Variants in PLCD3 observed in about 807,000 individuals in gnomAD.
PLCD3 encodes the protein phospholipase C delta 3, also known as 1-phosphatidylinositol 4,5-bisphosphate phosphodiesterase delta-3.
In PLCD3, 62 loss-of-function variants were observed where a neutral mutation model predicts 82.8. The observed-to-expected ratio is 0.75, with a 90% CI of 0.61 to 0.93. The LOEUF (loss-of-function observed/expected upper bound fraction) is 0.93. Ranked by LOEUF, PLCD3 falls within the 40% of genes least tolerant of loss-of-function variation. PLCD3 has a pLI of 0.00. For synonymous variants in PLCD3, 478 were observed against 471.8 expected (o/e 1.01, Z -0.17); for missense variants, 1,023 against 1,103.4 (o/e 0.93, Z 1.03).
intron 1 of PLCD3, among the ~76,000 whole-genome samples, chr17:45,129,477 TAAC>T (rs1374943146): frequency 7.9e-5 from 12 of 152,158 alleles, no homozygotes; most frequent in African/African-American, 2.2e-4. Flanking sequence ...CATAAACAAC[TAAC>T]AACAACAGCA....
At chr17:45,117,396 C>T (rs1275402972) in intron 7 of PLCD3, among the ~76,000 whole-genome samples, 1 of 152,106 alleles carries the variant, frequency 6.6e-6, no homozygotes, top group Non-Finnish European at 1.5e-5. Context: ...CAGGCACATG[C>T]CCCCACACTC....
chr17:45,117,852 C>A, intron 7 of PLCD3, 142 bp downstream of exon 7: 3 of 1,169,786 alleles, frequency 2.6e-6, no homozygotes, highest in Non-Finnish European at 3.6e-6. Context: ...CCATTGGCCA[C>A]TTATCCCAGC....
chr17:45,114,462 C>A lies in PLCD3; in HGVS notation c.1712-96G>T, dbSNP rs539706059. ...TCCAGGGAACAGAGCCCAAGCCCGT[C>A]CCCAGGTCACCCTGCCCCCGCTCCT... On this transcript the variant is annotated intron_variant, in intron 10 of 14. Transcript: ENST00000619929. The A allele has an allele frequency of 1.3e-4, 112 of 882,352 alleles. No homozygotes were observed. In the Admixed American group the frequency reaches 1.8e-3, roughly 14 times the overall value. The allele number at this position is 882,352 out of a possible 1,614,324, so 54.7% of individuals were successfully genotyped here.
rs560479189 is a variant in PLCD3, at chr17:45,110,091, A to G, written c.*2525T>C. On this transcript the variant is annotated 3_prime_UTR_variant, in exon 15 of 15. Coordinates refer to ENST00000619929, the MANE Select transcript of PLCD3 (RefSeq NM_133373.5). Reference sequence around the variant, plus strand: ...AGACTCCATCTCAAAAAAACAAACAAAAAAAAAACCCTGTGATTTCTCCCT... The same window carrying G: ...AGACTCCATCTCAAAAAAACAAACAGAAAAAAAACCCTGTGATTTCTCCCT... The G allele has an allele frequency of 6.6e-6, 1 of 150,720 alleles. No homozygotes were observed. The highest frequency in any genetic ancestry group is 2.1e-4 in the South Asian group (1 of 4,748). The allele number at this position is 150,720 out of a possible 1,614,324, so 9.3% of individuals were successfully genotyped here.
chr17:45,129,026 C>T (rs2054401487), intron 1 of PLCD3, among the ~76,000 whole-genome samples: 1 of 152,238 alleles, frequency 6.6e-6, no homozygotes, highest in South Asian at 2.1e-4. Flanking sequence ...AGGCAAGTTA[C>T]CAAATCTCTC....
Position 45,121,140 on chromosome 17 carries a change from G to C in PLCD3, c.326-10C>G, listed in dbSNP as rs764104052. 6.6e-7 allele frequency: 1 copy of C among 1,520,146 alleles called. No individual in the cohort carries two copies. Among genetic ancestry groups the C allele is most frequent in the Non-Finnish European group, 8.8e-7 (1 of 1,140,188 alleles). The allele number at this position is 1,520,146 out of a possible 1,614,324, so 94.2% of individuals were successfully genotyped here. A position where few individuals can be genotyped will look rare whatever the true frequency, so the allele number is the denominator to read the frequency against. ...ATGTGCTGCACGAAGACTGAGAGGA[G>C]GGCCGGGTCAGGGCGGAGGACCGGG... On this transcript the variant is annotated splice_polypyrimidine_tract_variant and intron_variant, in intron 2 of 14. Coordinates refer to ENST00000619929, the MANE Select transcript of PLCD3 (RefSeq NM_133373.5).
chr17:45,118,716 C>T lies in PLCD3; in HGVS notation c.913+99G>A, dbSNP rs2054311929. 8 of 1,300,242 alleles carry T rather than the reference C, an allele frequency of 6.2e-6. No individual in the cohort carries two copies. The highest frequency in any genetic ancestry group is 7.3e-6 in the Non-Finnish European group (7 of 957,534). 80.5% of individuals were successfully genotyped at this position (1,300,242 alleles called of 1,614,324 possible). A position where few individuals can be genotyped will look rare whatever the true frequency, so the allele number is the denominator to read the frequency against. On this transcript the variant is annotated intron_variant, in intron 5 of 14. Transcript: ENST00000619929. This position sits in a 1 kb window ranked among gnomAD's most constrained non-coding sequence, Gnocchi z 4.1. The stretch of plus-strand genomic sequence containing the variant: ...CTGAGTCTGGAGGAGGTGAGGTAAC[C>T]TGCCCGAGATGATGCCCGCGCCAGC...
intron 7 of PLCD3, among the ~76,000 whole-genome samples, 184 bp from the exon 8 acceptor site, chr17:45,116,968 G>C (rs891325069): frequency 3.9e-5 from 6 of 152,052 alleles, no homozygotes; most frequent in African/African-American, 1.4e-4. Context: ...TCTTTGAGAT[G>C]GAGTGTTGCT....
chr17:45,113,057 C>T (rs761027931), intron 13 of PLCD3, 45 bp from the exon 14 acceptor site: 19 of 1,604,392 alleles, frequency 1.2e-5, no homozygotes, highest in South Asian at 1.1e-4. Context: ...CCCCAGGACC[C>T]ACCCTGCACC....
rs866076678 is a variant in PLCD3 at position 45,113,477 on chromosome 17, C to T, written c.1957G>A (p.Glu653Lys). Residue 653 changes from glutamate to lysine, a missense_variant, in exon 12 of 15, where the codon GAG (glutamate) becomes AAG (lysine). Transcript: ENST00000619929. ...GTGGTTCTGGGAGGTCCTGGGTACT[C>T]GGGGTCAAAGGTCGAGTCAGGTTGC... ...LRQPDSTFDP[E>K]YPGPPRTTLS... 3.8e-6 allele frequency: 6 copies of T among 1,595,254 alleles called. No homozygotes were observed. Among genetic ancestry groups the T allele is most frequent in the South Asian group, 3.4e-5 (3 of 87,452 alleles).
At chr17:45,116,425 G>T (rs80133445) in intron 8 of PLCD3, among the ~76,000 whole-genome samples, 1 of 149,310 alleles carries the variant, frequency 6.7e-6, no homozygotes, top group Non-Finnish European at 1.5e-5. Flanking sequence ...GTGTGTGTGT[G>T]GGGGGGTCTA....
At chr17:45,115,643 A>T in intron 8 of PLCD3, 153 bp from the exon 9 acceptor site, 1 of 685,586 alleles carries the variant, frequency 1.5e-6, no homozygotes, top group East Asian at 2.7e-5. Context: ...CTAATAGGAA[A>T]GAGTGGAGAA....
chr17:45,118,805 C>T lies in PLCD3; in HGVS notation c.913+10G>A, dbSNP rs184790858. ...CAGGTGCCACGACCTGGCCGTGCCACCCCCCCCACCTGTCTCGTTGAGCTC... is the reference window on the plus strand; with the variant it reads ...CAGGTGCCACGACCTGGCCGTGCCATCCCCCCCACCTGTCTCGTTGAGCTC... On this transcript the variant is annotated intron_variant, in intron 5 of 14. Transcript: ENST00000619929. The surrounding 1 kb of genome is among the most constrained non-coding windows in gnomAD (Gnocchi z 4.1). 848 of 1,559,150 alleles carry T rather than the reference C, an allele frequency of 5.4e-4. 4 individuals carry two copies. The African/African-American group carries it at 0.011, about 21-fold the overall frequency.
intron 10 of PLCD3, 137 bp downstream of exon 10, chr17:45,114,957 T>G: frequency 7.8e-7 from 1 of 1,284,570 alleles, no homozygotes; most frequent in Non-Finnish European, 1.0e-6. Flanking sequence ...GGGGCCCTCA[T>G]TCCCTCAGCC....
intron 4 of PLCD3, 193 bp from the exon 5 acceptor site, chr17:45,119,236 G>GGTTT (rs72016533): frequency 1.8e-5 from 11 of 604,616 alleles, no homozygotes; most frequent in Non-Finnish European, 2.3e-5. Flanking sequence ...TTGTTTTTTA[G>GGTTT]GTTTGTTTGT....
intron 1 of PLCD3, among the ~76,000 whole-genome samples, chr17:45,128,653 GA>G (rs2054398965): frequency 6.6e-6 from 1 of 152,256 alleles, no homozygotes; most frequent in Admixed American, 6.5e-5. Context: ...TGGGGAGGAT[GA>G]GGGGCAGGGG....
intron 7 of PLCD3, 110 bp from the exon 8 acceptor site, chr17:45,116,894 A>G: frequency 7.4e-7 from 1 of 1,359,438 alleles, no homozygotes; most frequent in African/African-American, 1.5e-5. Context: ...AGGGCTCTGG[A>G]GAACCCAGGG....
chr17:45,110,656 A>ATGGC lies in PLCD3; in HGVS notation c.*1956_*1959dup, dbSNP rs1365112063. Reference sequence around the variant, plus strand: ...GCTCTGCAGGGGCTGGGCAATGCTAATGGCTCTTCATTTGCTAAAACTGGA... The same window carrying ATGGC: ...GCTCTGCAGGGGCTGGGCAATGCTAATGGCTGGCTCTTCATTTGCTAAAACTGGA... On this transcript the variant is annotated 3_prime_UTR_variant, in exon 15 of 15. Coordinates refer to ENST00000619929, the MANE Select transcript of PLCD3 (RefSeq NM_133373.5). The ATGGC allele has an allele frequency of 6.6e-6, 1 of 152,080 alleles. No homozygotes were observed. Among genetic ancestry groups the ATGGC allele is most frequent in the African/African-American group, 2.4e-5 (1 of 41,428 alleles). 9.4% of individuals were successfully genotyped at this position (152,080 alleles called of 1,614,324 possible).
Position 45,115,631 on chromosome 17 carries a change from T to C in PLCD3, c.1414-141A>G, listed in dbSNP as rs532737872. On this transcript the variant is annotated intron_variant, in intron 8 of 14. Transcript: ENST00000619929. ...AAGGAGACACAGAGATGAGCGATGT[T>C]TCTAATAGGAAAGAGTGGAGAATGG... The C allele has an allele frequency of 3.9e-5, 28 of 726,208 alleles. No homozygotes were observed. In the African/African-American group the frequency reaches 4.4e-4, roughly 11 times the overall value. 45.0% of individuals were successfully genotyped at this position (726,208 alleles called of 1,614,324 possible).
Sources: allele counts gnomAD v4.1 joint callset (sites outside exome capture counted in the v4.1 genomes callset), GRCh38; gene constraint gnomAD v4.1.1; non-coding constraint Gnocchi (gnomAD v3.1); transcripts MANE v1.5; gene names NCBI Gene and HGNC (gene_info 2026-07-23, HGNC 2026-07-21).